The following ARHGEF18 variants were observed in gnomAD, a reference collection of about 807,000 sequenced individuals.
ARHGEF18 encodes Rho/Rac guanine nucleotide exchange factor 18.
Under a neutral mutation model 155.7 loss-of-function variants are expected in ARHGEF18, and 93 were observed. The ratio of observed to expected loss-of-function variants is 0.60; its 90% CI spans 0.50 to 0.71. The LOEUF (loss-of-function observed/expected upper bound fraction) is 0.71. Among genes scored for constraint, ARHGEF18 ranks in the 30% least tolerant of loss-of-function variants. ARHGEF18 has a pLI of 0.00. For missense variants in ARHGEF18, 1,593 were observed against 1,816.1 expected (o/e 0.88, Z 2.23); for synonymous variants, 742 against 753.1 (o/e 0.99, Z 0.24).
chr19:7,448,454 G>T (rs1372042378), intron 15 of ARHGEF18, among the ~76,000 whole-genome samples: 2 of 152,220 alleles, frequency 1.3e-5, no homozygotes, highest in Non-Finnish European at 2.9e-5. Context: ...GAGGTCAGGA[G>T]ATCGAGACCA....
rs574915464 is a variant in ARHGEF18, at chr19:7,444,323, T to C, written c.1480T>C (p.Cys494Arg). 34 of 1,613,644 alleles carry C rather than the reference T, an allele frequency of 2.1e-5. No homozygotes were observed. The highest frequency in any genetic ancestry group is 2.0e-4 in the African/African-American group (15 of 75,064). Residue 494 changes from cysteine (C) to arginine (R), a missense_variant, in exon 14 of 29, where the codon TGC becomes CGC. Cys to Arg is a radical substitution (Grantham distance 180, BLOSUM62 -3). Coordinates refer to ENST00000668164, the MANE Select transcript of ARHGEF18 (RefSeq NM_001367823.1). This position sits in a 1 kb window ranked among gnomAD's most constrained non-coding sequence, Gnocchi z 4.7. ...CAAGGCCATTGGCCGCCTCTTCCCATGCGCTGACGACCTGCTGGAGACGCA... is the reference window on the plus strand; with the variant it reads ...CAAGGCCATTGGCCGCCTCTTCCCACGCGCTGACGACCTGCTGGAGACGCA... ...SSKAIGRLFP[C>R]ADDLLETHSH...
intron 10 of ARHGEF18, among the ~76,000 whole-genome samples, chr19:7,397,097 G>GAA (rs35973104): frequency 7.2e-4 from 45 of 62,268 alleles, no homozygotes; most frequent in African/African-American, 8.9e-4. Flanking sequence ...GCCTTTTTGC[G>GAA]AAAAAAAAAA....
At chr19:7,421,442 G>A (rs1973345572) in intron 10 of ARHGEF18, among the ~76,000 whole-genome samples, 1 of 152,088 alleles carries the variant, frequency 6.6e-6, no homozygotes, top group Non-Finnish European at 1.5e-5. Context: ...TTCTGTTTCT[G>A]CACATGGACT....
At chr19:7,352,559 A>T (rs1969184314) in intron 1 of ARHGEF18, among the ~76,000 whole-genome samples, 1 of 88,948 alleles carries the variant, frequency 1.1e-5, no homozygotes, top group Non-Finnish European at 2.1e-5. Flanking sequence ...TTTGAGATGG[A>T]ATCTCACTCT....
chr19:7,433,692 A>G (rs981179412), intron 10 of ARHGEF18, among the ~76,000 whole-genome samples: 1 of 151,840 alleles, frequency 6.6e-6, no homozygotes, highest in Admixed American at 6.6e-5. Flanking sequence ...TGAGAGACTG[A>G]GTCACAAAGG....
intron 10 of ARHGEF18, among the ~76,000 whole-genome samples, chr19:7,421,958 C>G (rs1202495450): frequency 6.6e-6 from 1 of 152,076 alleles, no homozygotes; most frequent in Non-Finnish European, 1.5e-5. Flanking sequence ...GTGGCCCAAA[C>G]CAGACATCTT....
chr19:7,470,521 T>C lies in ARHGEF18; in HGVS notation c.*223T>C, dbSNP rs538116717. The C allele has an allele frequency of 3.8e-4, 158 of 420,660 alleles. No individual in the cohort carries two copies. The highest frequency in any genetic ancestry group is 5.3e-4 in the Non-Finnish European group (132 of 247,552). 26.1% of individuals were successfully genotyped at this position (420,660 alleles called of 1,614,324 possible). On this transcript the variant is annotated 3_prime_UTR_variant, in exon 29 of 29. Transcript: ENST00000668164. The surrounding 1 kb of genome is among the most constrained non-coding windows in gnomAD (Gnocchi z 5.9). ...CGGGGTCACTTTCTGAATCTCTTTT[T>C]TTTTTTTTCAAAAAGGAAAGTTTTT...
At position 7,407,374 on chromosome 19, in the gene ARHGEF18, C is replaced by T. The variant is rs540234028; in HGVS notation, c.967+24171C>T. Among the ~76,000 whole-genome samples, 7 of 149,650 alleles carry T rather than the reference C, an allele frequency of 4.7e-5. No homozygotes were observed. In the South Asian group the frequency reaches 1.1e-3, roughly 23 times the overall value. The stretch of plus-strand genomic sequence containing the variant: ...CCAAGAGGTGGGGGTTGAAGCGAGC[C>T]GAGATTGAGCCACTGTACCCCAGCC... On this transcript the variant is annotated intron_variant, in intron 10 of 28. Coordinates refer to ENST00000668164, the MANE Select transcript of ARHGEF18 (RefSeq NM_001367823.1).
In ARHGEF18 at chr19:7,466,925, C is replaced by T. The variant is rs554029574; in HGVS notation, c.2912C>T (p.Ala971Val). ...SSEESPQVVE[A>V]PGTESDPRLP... is the part of the protein sequence containing the mutation. ...ACGGTGTCCTCTTCCCAGGTGGAGG[C>T]GCCAGGCACGGAATCCGATCCCCGT... Residue 971 changes from alanine to valine, a missense_variant, in exon 24 of 29, where the codon GCG becomes GTG. Transcript: ENST00000668164. 8.7e-6 allele frequency: 14 copies of T among 1,613,546 alleles called. No individual in the cohort carries two copies. The South Asian group carries it at 1.1e-4, about 13-fold the overall frequency.
At chr19:7,362,343 A>AGAGGAG (rs1489812626) in intron 1 of ARHGEF18, among the ~76,000 whole-genome samples, 2 of 129,110 alleles carry the variant, frequency 1.5e-5, no homozygotes, top group African/African-American at 9.4e-5. Flanking sequence ...AGGAGGAGGA[A>AGAGGAG]GAGGAGGAGG....
At chr19:7,392,800 TC>T (rs1971478671) in intron 10 of ARHGEF18, 1 of 150,262 alleles carries the variant, frequency 6.7e-6, no homozygotes, top group Non-Finnish European at 1.5e-5. Context: ...ACACCTACAA[TC>T]CTGGCATCAT....
intron 10 of ARHGEF18, among the ~76,000 whole-genome samples, chr19:7,409,544 C>T (rs1972545787): frequency 1.3e-5 from 2 of 151,434 alleles, no homozygotes; most frequent in East Asian, 3.9e-4. Flanking sequence ...TCTCCTGCCT[C>T]AGCCTCCCAA....
chr19:7,457,877 A>C (rs1260787178), intron 18 of ARHGEF18, among the ~76,000 whole-genome samples: 1 of 152,094 alleles, frequency 6.6e-6, no homozygotes, highest in East Asian at 1.9e-4. Flanking sequence ...CACAAGACAG[A>C]GATGGGTTTA....
rs1298159411 is a variant in ARHGEF18 at position 7,383,210 on chromosome 19, C to T, written c.967+7C>T. On this transcript the variant is annotated splice_region_variant and intron_variant, in intron 10 of 28. Coordinates refer to ENST00000668164, the MANE Select transcript of ARHGEF18 (RefSeq NM_001367823.1). ...AAACCTTTCTTGAGCTCAGGTAAGTCTGGTGGCCCAATCCATCCTCCTGGA... is the reference window on the plus strand; with the variant it reads ...AAACCTTTCTTGAGCTCAGGTAAGTTTGGTGGCCCAATCCATCCTCCTGGA... 11 of 1,232,292 alleles carry T rather than the reference C, an allele frequency of 8.9e-6. No individual in the cohort carries two copies. Among genetic ancestry groups the T allele is most frequent in the Admixed American group, 4.2e-5 (1 of 23,694 alleles). The allele number at this position is 1,232,292 out of a possible 1,614,324, so 76.3% of individuals were successfully genotyped here. A position where few individuals can be genotyped will look rare whatever the true frequency, so the allele number is the denominator to read the frequency against.
At chr19:7,451,297 C>G in intron 16 of ARHGEF18, 31 bp downstream of exon 16, 1 of 1,591,230 alleles carries the variant, frequency 6.3e-7, no homozygotes, top group Non-Finnish European at 8.6e-7. Flanking sequence ...CCCGCCCGCC[C>G]GTGCTGCTGC....
Position 7,459,900 on chromosome 19 carries a change from C to T in ARHGEF18, c.2361-3C>T. On this transcript the variant is annotated splice_region_variant and splice_polypyrimidine_tract_variant and intron_variant, in intron 19 of 28. Coordinates refer to ENST00000668164, the MANE Select transcript of ARHGEF18 (RefSeq NM_001367823.1). Reference sequence around the variant, plus strand: ...GTTACCCACCCGACTCCTCTCCCTGCAGCTGCCCTGACGAGGAGGAGGGGC... The same window carrying T: ...GTTACCCACCCGACTCCTCTCCCTGTAGCTGCCCTGACGAGGAGGAGGGGC... 6.4e-7 allele frequency: 1 copy of T among 1,570,032 alleles called. No homozygotes were observed. The highest frequency in any genetic ancestry group is 2.4e-5 in the East Asian group (1 of 42,372).
the ARHGEF18 span, among the ~76,000 whole-genome samples, chr19:7,479,861 A>C: frequency 2.0e-5 from 3 of 152,192 alleles, no homozygotes; most frequent in Non-Finnish European, 4.4e-5. Flanking sequence ...GTTGTAACAA[A>C]TGCACCATGT....
chr19:7,384,098 G>A (rs562600158), intron 10 of ARHGEF18, among the ~76,000 whole-genome samples: 4 of 152,276 alleles, frequency 2.6e-5, no homozygotes, highest in South Asian at 2.1e-4. Flanking sequence ...GTTTGTAACC[G>A]AATCCAAACT....
intron 10 of ARHGEF18, among the ~76,000 whole-genome samples, chr19:7,434,939 C>T (rs189077145): frequency 2.8e-4 from 43 of 152,334 alleles, no homozygotes; most frequent in African/African-American, 1.0e-3. Context: ...CAGTGGCTCA[C>T]GCCTGTAATC....
Sources: gnomAD v4.1 joint callset for allele counts (sites outside exome capture counted in the v4.1 genomes callset) on GRCh38, gnomAD v4.1.1 for gene constraint, Gnocchi (gnomAD v3.1) non-coding constraint, MANE v1.5 for transcripts, NCBI Gene and HGNC (gene_info 2026-07-23, HGNC 2026-07-21) for gene names.